Variants in RPS15 observed in about 807,000 individuals in gnomAD.
RPS15 encodes small ribosomal subunit protein uS19.
RPS15 carries 5 observed loss-of-function variants against 14.9 expected under a neutral mutation model. That is an observed-to-expected ratio of 0.34 (90% CI 0.18 to 0.70). The LOEUF is 0.70. Ranked by LOEUF, RPS15 falls within the 30% of genes least tolerant of loss-of-function variation. The probability of loss-of-function intolerance (pLI) is 0.65; values close to 1 mark genes in which losing one functional copy is unlikely to be tolerated. For missense variants in RPS15, 102 were observed against 204.2 expected (o/e 0.50, Z 3.05); for synonymous variants, 103 against 85.0 (o/e 1.21, Z -1.16).
chr19:1,438,769 G>T lies in RPS15; in HGVS notation c.4-38G>T. 1 of 1,566,354 alleles carries T rather than the reference G, an allele frequency of 6.4e-7. No homozygotes were observed. Among genetic ancestry groups the T allele is most frequent in the Non-Finnish European group, 8.7e-7 (1 of 1,156,008 alleles). On this transcript the variant is annotated intron_variant, in intron 1 of 3. Coordinates refer to ENST00000592588, the MANE Select transcript of RPS15 (RefSeq NM_001018.5). The surrounding 1 kb of genome is among the most constrained non-coding windows in gnomAD (Gnocchi z 4.8). ...GGCCCGGTGGCCCCGGGAGATGGGT[G>T]TCGGGATCCCGCTGACGCCCGATCC...
rs949512336 is a variant in RPS15 at position 1,438,678 on chromosome 19, C to T, written c.4-129C>T. ...CCGCGAGTGATCCCCGGGGACGGGTCGAAGCGGTGTGTCCCTGTCGGGCTT... is the reference window on the plus strand; with the variant it reads ...CCGCGAGTGATCCCCGGGGACGGGTTGAAGCGGTGTGTCCCTGTCGGGCTT... On this transcript the variant is annotated intron_variant, in intron 1 of 3. Transcript: ENST00000592588. The surrounding 1 kb of genome is among the most constrained non-coding windows in gnomAD (Gnocchi z 4.8). 2.0e-6 allele frequency: 3 copies of T among 1,531,968 alleles called. No homozygotes were observed. The highest frequency in any genetic ancestry group is 2.1e-4 in the Middle Eastern group (1 of 4,718). 94.9% of individuals were successfully genotyped at this position (1,531,968 alleles called of 1,614,324 possible).
At chr19:1,439,013 C>A (rs2083631991) in intron 2 of RPS15, 121 bp downstream of exon 2, 2 of 817,532 alleles carry the variant, frequency 2.4e-6, no homozygotes, top group South Asian at 1.8e-5. Context: ...GGTCTCCGCG[C>A]GGGTTTGGAA....
rs778055553 is a variant in RPS15, at chr19:1,440,344, C to G, written c.325-5C>G. ...ACACCCAGCTTTGCTCTTGGTCTCC[C>G]GCAGCCCGAGATGATCGGCCACTAC... On this transcript the variant is annotated splice_region_variant and splice_polypyrimidine_tract_variant and intron_variant, in intron 3 of 3. Coordinates refer to ENST00000592588, the MANE Select transcript of RPS15 (RefSeq NM_001018.5). 1.9e-5 allele frequency: 30 copies of G among 1,613,532 alleles called. No individual in the cohort carries two copies. Among genetic ancestry groups the G allele is most frequent in the Non-Finnish European group, 2.5e-5 (29 of 1,179,668 alleles).
In RPS15 at chr19:1,438,602, G is replaced by T; in HGVS notation, c.3+174G>T. The T allele has an allele frequency of 6.5e-7, 1 of 1,541,866 alleles. No homozygotes were observed. The highest frequency in any genetic ancestry group is 8.8e-7 in the Non-Finnish European group (1 of 1,141,090). On this transcript the variant is annotated intron_variant, in intron 1 of 3. Coordinates refer to ENST00000592588, the MANE Select transcript of RPS15 (RefSeq NM_001018.5). This position sits in a 1 kb window ranked among gnomAD's most constrained non-coding sequence, Gnocchi z 4.8. ...CTTGGTGGGTGTCGGGACGACGCGG[G>T]GCTGGGAAGGCCTGTCCGGGCCTTC...
chr19:1,439,466 C>T (rs1335522758), intron 2 of RPS15: 2 of 194,508 alleles, frequency 1.0e-5, no homozygotes, highest in Non-Finnish European at 1.1e-5. Flanking sequence ...TTCAGTGTTG[C>T]CCAGGCTGGT....
At chr19:1,439,125 A>G (rs2083632875) in intron 2 of RPS15, 10 of 541,142 alleles carry the variant, frequency 1.8e-5, no homozygotes, top group South Asian at 1.6e-4. Flanking sequence ...CTTAGTTGGA[A>G]GGTGTAGCCC....
rs934347750 is a variant in RPS15, at chr19:1,438,742, C to T, written c.4-65C>T. The T allele has an allele frequency of 9.7e-6, 15 of 1,542,506 alleles. No homozygotes were observed. Among genetic ancestry groups the T allele is most frequent in the East Asian group, 2.4e-5 (1 of 41,044 alleles). ...CGCCGCGCGTCTTCCGCGGTGTCCT[C>T]GGGCCCGGTGGCCCCGGGAGATGGG... is the stretch of plus-strand genomic sequence containing the variant. On this transcript the variant is annotated intron_variant, in intron 1 of 3. Transcript: ENST00000592588. The surrounding 1 kb of genome is among the most constrained non-coding windows in gnomAD (Gnocchi z 4.8).
chr19:1,439,644 C>G (rs906921455), intron 2 of RPS15: 8 of 536,234 alleles, frequency 1.5e-5, no homozygotes, highest in Non-Finnish European at 2.7e-5. Context: ...ACCCTCCCGC[C>G]TCAACCTCCC....
chr19:1,438,671 G>A lies in RPS15; in HGVS notation c.4-136G>A, dbSNP rs1442208626. On this transcript the variant is annotated intron_variant, in intron 1 of 3. Transcript: ENST00000592588. The surrounding 1 kb of genome is among the most constrained non-coding windows in gnomAD (Gnocchi z 4.8). ...CCCGGAGCCGCGAGTGATCCCCGGG[G>A]ACGGGTCGAAGCGGTGTGTCCCTGT... The A allele has an allele frequency of 1.3e-6, 2 of 1,533,050 alleles. No homozygotes were observed. Among genetic ancestry groups the A allele is most frequent in the East Asian group, 2.5e-5 (1 of 40,664 alleles). The allele number at this position is 1,533,050 out of a possible 1,614,324, so 95.0% of individuals were successfully genotyped here. A position where few individuals can be genotyped will look rare whatever the true frequency, so the allele number is the denominator to read the frequency against.
chr19:1,439,977 A>G, intron 2 of RPS15, 42 bp from the exon 3 acceptor site: 4 of 1,498,870 alleles, frequency 2.7e-6, no homozygotes, highest in Non-Finnish European at 3.6e-6. Context: ...GGGTCTCCCC[A>G]GGCCGGGCCG....
rs770327699 is a variant in RPS15, at chr19:1,440,194, A to G, written c.265A>G (p.Met89Val). 4.3e-6 allele frequency: 7 copies of G among 1,613,068 alleles called. No homozygotes were observed. The highest frequency in any genetic ancestry group is 5.9e-6 in the Non-Finnish European group (7 of 1,179,784). The change falls in exon 3 of 4, where the codon ATG becomes GTG. Residue 89 changes from methionine (M) to valine (V), a missense_variant. Met to Val is a conservative substitution (Grantham distance 21). This residue lies in a region of RPS15 where 32 missense variants were observed against 107.4 expected (regional missense o/e 0.30). Coordinates refer to ENST00000592588, the MANE Select transcript of RPS15 (RefSeq NM_001018.5). ...GCGGGACATGATCATCCTACCCGAG[A>G]TGGTGGGCAGCATGGTGGGCGTCTA... Reference protein sequence around the residue: ...HLRDMIILPEMVGSMVGVYNG... With the variant: ...HLRDMIILPEVVGSMVGVYNG...
chr19:1,438,930 C>T lies in RPS15; in HGVS notation c.89+38C>T. 2.6e-6 allele frequency: 4 copies of T among 1,532,728 alleles called. No homozygotes were observed. Among genetic ancestry groups the T allele is most frequent in the East Asian group, 2.4e-5 (1 of 40,860 alleles). 94.9% of individuals were successfully genotyped at this position (1,532,728 alleles called of 1,614,324 possible). Reference sequence around the variant, plus strand: ...GCGGGGGTCGCGGGCAGGGGCTGGGCCAGCGGTGGGGCTTGTCCGGGTGAG... The same window carrying T: ...GCGGGGGTCGCGGGCAGGGGCTGGGTCAGCGGTGGGGCTTGTCCGGGTGAG... On this transcript the variant is annotated intron_variant, in intron 2 of 3. Transcript: ENST00000592588. The surrounding 1 kb of genome is among the most constrained non-coding windows in gnomAD (Gnocchi z 4.8).
In RPS15 at chr19:1,438,777, C is replaced by G; in HGVS notation, c.4-30C>G. 6.4e-7 allele frequency: 1 copy of G among 1,572,222 alleles called. No homozygotes were observed. Among genetic ancestry groups the G allele is most frequent in the East Asian group, 2.4e-5 (1 of 42,350 alleles). ...GGCCCCGGGAGATGGGTGTCGGGATCCCGCTGACGCCCGATCCGCGCCCGC... is the reference window on the plus strand; with the variant it reads ...GGCCCCGGGAGATGGGTGTCGGGATGCCGCTGACGCCCGATCCGCGCCCGC... On this transcript the variant is annotated intron_variant, in intron 1 of 3. Transcript: ENST00000592588. The surrounding 1 kb of genome is among the most constrained non-coding windows in gnomAD (Gnocchi z 4.8).
Position 1,438,669 on chromosome 19 carries a change from G to A in RPS15, c.4-138G>A, listed in dbSNP as rs895292670. The stretch of plus-strand genomic sequence containing the variant: ...AACCCGGAGCCGCGAGTGATCCCCG[G>A]GGACGGGTCGAAGCGGTGTGTCCCT... On this transcript the variant is annotated intron_variant, in intron 1 of 3. Coordinates refer to ENST00000592588, the MANE Select transcript of RPS15 (RefSeq NM_001018.5). The surrounding 1 kb of genome is among the most constrained non-coding windows in gnomAD (Gnocchi z 4.8). The A allele has an allele frequency of 6.5e-7, 1 of 1,533,032 alleles. No individual in the cohort carries two copies. The highest frequency in any genetic ancestry group is 1.4e-5 in the African/African-American group (1 of 72,518). The allele number at this position is 1,533,032 out of a possible 1,614,324, so 95.0% of individuals were successfully genotyped here. A position where few individuals can be genotyped will look rare whatever the true frequency, so the allele number is the denominator to read the frequency against.
chr19:1,438,748 C>T lies in RPS15; in HGVS notation c.4-59C>T. The T allele has an allele frequency of 1.9e-6, 3 of 1,548,502 alleles. No homozygotes were observed. Among genetic ancestry groups the T allele is most frequent in the Non-Finnish European group, 2.6e-6 (3 of 1,144,852 alleles). On this transcript the variant is annotated intron_variant, in intron 1 of 3. Transcript: ENST00000592588. This position sits in a 1 kb window ranked among gnomAD's most constrained non-coding sequence, Gnocchi z 4.8. ...GCGTCTTCCGCGGTGTCCTCGGGCC[C>T]GGTGGCCCCGGGAGATGGGTGTCGG...
intron 2 of RPS15, 66 bp from the exon 3 acceptor site, chr19:1,439,953 C>T (rs1455195530): frequency 7.7e-6 from 10 of 1,303,598 alleles, no homozygotes; most frequent in South Asian, 7.6e-5. Flanking sequence ...GTTCTCTGTC[C>T]GCCGGAGTGC....
rs779437588 is a variant in RPS15 at position 1,440,351 on chromosome 19, C to G, written c.327C>G (p.Pro109=). The part of the protein sequence containing the change: ...GKTFNQVEIK[P]EMIGHYLGEF... ...GCTTTGCTCTTGGTCTCCCGCAGCC[C>G]GAGATGATCGGCCACTACCTGGGCG... Residue 109 remains proline, a splice_region_variant and synonymous_variant, in exon 4 of 4, where the codon CCC becomes CCG. Transcript: ENST00000592588. 6.8e-5 allele frequency: 109 copies of G among 1,613,840 alleles called. No homozygotes were observed. The highest frequency in any genetic ancestry group is 1.6e-4 in the Middle Eastern group (1 of 6,078).
At chr19:1,439,969 G>A in intron 2 of RPS15, 50 bp from the exon 3 acceptor site, 2 of 1,448,610 alleles carry the variant, frequency 1.4e-6, no homozygotes, top group Non-Finnish European at 1.9e-6. Context: ...AGTGCGTAGG[G>A]TCTCCCCAGG....
rs1230286424 is a variant in RPS15, at chr19:1,438,423, A to G, written c.-3A>G. ...AAGCGATCTCTTCTGAGGATCCGGC[A>G]AGATGGTGAGTGTTGCGATTTGGCG... is the stretch of plus-strand genomic sequence containing the variant. On this transcript the variant is annotated 5_prime_UTR_variant, in exon 1 of 4. Transcript: ENST00000592588. This position sits in a 1 kb window ranked among gnomAD's most constrained non-coding sequence, Gnocchi z 4.8. 13 of 1,613,356 alleles carry G rather than the reference A, an allele frequency of 8.1e-6. No individual in the cohort carries two copies. Among genetic ancestry groups the G allele is most frequent in the Non-Finnish European group, 4.2e-6 (5 of 1,179,900 alleles).
Sources: gnomAD v4.1 joint callset for allele counts on GRCh38, gnomAD v4.1.1 for gene constraint, gnomAD v4.1.1 regional missense constraint, Gnocchi (gnomAD v3.1) non-coding constraint, MANE v1.5 for transcripts, NCBI Gene and HGNC (gene_info 2026-07-23, HGNC 2026-07-21) for gene names.